PEBP4: variants seen among roughly 807,000 people sequenced by gnomAD.
PEBP4 encodes phosphatidylethanolamine binding protein 4, also known as phosphatidylethanolamine-binding protein 4.
PEBP4 carries 22 observed loss-of-function variants against 23.9 expected under a neutral mutation model. The observed-to-expected ratio is 0.92, with a 90% confidence interval of 0.66 to 1.31. PEBP4 has a LOEUF of 1.31. Ranked by LOEUF, PEBP4 falls within the 40% of genes most tolerant of loss-of-function variation. The probability of loss-of-function intolerance (pLI) is 0.00; values close to 1 mark genes in which losing one functional copy is unlikely to be tolerated. For synonymous variants in PEBP4, 112 were observed against 99.3 expected (o/e 1.13, Z -0.76); for missense variants, 324 against 281.7 (o/e 1.15, Z -1.07).
chr8:22,728,563 C>CTTTCTTTCTTTCTTTCTTTCTTTCTTT, intron 4 of PEBP4, among the ~76,000 whole-genome samples: 1 of 69,302 alleles, frequency 1.4e-5, no homozygotes, highest in African/African-American at 5.2e-5. Context: ...TTTCTTTCTT[C>CTTTCTTTCTTTCTTTCTTTCTTTCTTT]CTTCCTTCCT....
At chr8:22,907,227 G>A (rs1159545986) in intron 3 of PEBP4, among the ~76,000 whole-genome samples, 5 of 152,244 alleles carry the variant, frequency 3.3e-5, no homozygotes, top group Non-Finnish European at 7.3e-5. Flanking sequence ...GGCAGGCCAA[G>A]GCGAGCAGAT....
At chr8:22,738,421 G>C (rs1253313682) in intron 4 of PEBP4, among the ~76,000 whole-genome samples, 1 of 152,170 alleles carries the variant, frequency 6.6e-6, no homozygotes, top group African/African-American at 2.4e-5. Context: ...GATGCCTCTG[G>C]CTCTGCCATC....
At chr8:22,818,862 C>T (rs368070590) in intron 3 of PEBP4, among the ~76,000 whole-genome samples, 25 of 151,938 alleles carry the variant, frequency 1.6e-4, no homozygotes, top group South Asian at 2.1e-4. Context: ...ATAGATTCAA[C>T]GGCACGGCAG....
At chr8:22,851,700 T>C (rs1204408392) in intron 3 of PEBP4, among the ~76,000 whole-genome samples, 3 of 152,078 alleles carry the variant, frequency 2.0e-5, no homozygotes, top group African/African-American at 4.8e-5. Flanking sequence ...TTACCCATAG[T>C]TGCTGGGAAA....
chr8:22,823,934 A>G (rs1047851840), intron 3 of PEBP4, among the ~76,000 whole-genome samples: 2 of 152,208 alleles, frequency 1.3e-5, no homozygotes, highest in Non-Finnish European at 2.9e-5. Flanking sequence ...AATAAGATCC[A>G]ATCTTTGCCC....
intron 3 of PEBP4, among the ~76,000 whole-genome samples, chr8:22,912,857 A>G (rs1420607405): frequency 6.6e-6 from 1 of 152,204 alleles, no homozygotes; most frequent in Non-Finnish European, 1.5e-5. Flanking sequence ...AGCCAGGGAC[A>G]AAGGATAAAA....
At chr8:22,915,445 T>G (rs17088776) in intron 3 of PEBP4, among the ~76,000 whole-genome samples, 7,428 of 143,366 alleles carry the variant, frequency 0.052, 212 homozygotes, top group Middle Eastern at 0.062. Flanking sequence ...GGCTCCCATC[T>G]GTCCCTTGCT....
intron 6 of PEBP4, among the ~76,000 whole-genome samples, chr8:22,718,564 C>G (rs1360808537): frequency 6.6e-6 from 1 of 152,204 alleles, no homozygotes; most frequent in South Asian, 2.1e-4. Context: ...CTGAGTGTTG[C>G]CCGGGATGGC....
chr8:22,813,269 A>G (rs183442317), intron 4 of PEBP4, among the ~76,000 whole-genome samples: 2 of 152,328 alleles, frequency 1.3e-5, no homozygotes. Flanking sequence ...GGAACCATGA[A>G]CTTGCCAATT....
intron 3 of PEBP4, among the ~76,000 whole-genome samples, chr8:22,873,503 G>A (rs1366067339): frequency 6.6e-6 from 1 of 152,084 alleles, no homozygotes; most frequent in African/African-American, 2.4e-5. Flanking sequence ...TAGTGGCACA[G>A]GCTTGTAGTC....
intron 3 of PEBP4, among the ~76,000 whole-genome samples, chr8:22,826,567 C>T (rs1476580286): frequency 6.6e-5 from 10 of 152,064 alleles, no homozygotes; most frequent in Admixed American, 5.9e-4. Context: ...TGGAAAACTT[C>T]GTAACTGTAA....
intron 3 of PEBP4, among the ~76,000 whole-genome samples, chr8:22,890,012 C>G (rs1263063391): frequency 6.6e-6 from 1 of 152,194 alleles, no homozygotes; most frequent in East Asian, 1.9e-4. Context: ...TGAGCACCAC[C>G]AGATGTTACC....
At position 22,917,472 on chromosome 8, in the gene PEBP4, C is replaced by T. The variant is rs549491110; in HGVS notation, c.258+2712G>A. Among the ~76,000 whole-genome samples the T allele has an allele frequency of 5.3e-5, 8 of 152,306 alleles. No individual in the cohort carries two copies. In the South Asian group the frequency reaches 1.5e-3, roughly 28 times the overall value. On this transcript the variant is annotated intron_variant, in intron 3 of 6. Coordinates refer to ENST00000256404, the MANE Select transcript of PEBP4 (RefSeq NM_144962.3). ...AAGCTTCCCTTCGGCCAGCCCACCC[C>T]TGCCTGTGCCAGCGCCCCCTGGTGT...
At chr8:22,783,982 T>TGG (rs1805978462) in intron 4 of PEBP4, among the ~76,000 whole-genome samples, 2 of 152,178 alleles carry the variant, frequency 1.3e-5, no homozygotes, top group Non-Finnish European at 2.9e-5. Context: ...AAGAGATCAC[T>TGG]GGCTTTGGAG....
At chr8:22,768,510 G>T (rs1805653198) in intron 4 of PEBP4, among the ~76,000 whole-genome samples, 1 of 152,210 alleles carries the variant, frequency 6.6e-6, no homozygotes. Flanking sequence ...GCCCCACGGT[G>T]CTGAGGTGAC....
At chr8:22,829,640 GC>G (rs1321296534) in intron 3 of PEBP4, among the ~76,000 whole-genome samples, 2 of 152,104 alleles carry the variant, frequency 1.3e-5, no homozygotes, top group Non-Finnish European at 2.9e-5. Context: ...CCTCTGTCAT[GC>G]TTTGGATCCT....
intron 4 of PEBP4, among the ~76,000 whole-genome samples, chr8:22,784,989 G>A (rs972693650): frequency 1.3e-5 from 2 of 152,176 alleles, no homozygotes; most frequent in Non-Finnish European, 2.9e-5. Flanking sequence ...GAACAGAAAC[G>A]GGCCACGTGT....
At chr8:22,914,040 T>G (rs1027724999) in intron 3 of PEBP4, among the ~76,000 whole-genome samples, 1 of 146,526 alleles carries the variant, frequency 6.8e-6, no homozygotes, top group African/African-American at 2.6e-5. Context: ...CAGGCTGGAG[T>G]ATAGTGGCGC....
chr8:22,754,549 G>C (rs778637935), intron 4 of PEBP4, among the ~76,000 whole-genome samples: 6 of 152,222 alleles, frequency 3.9e-5, no homozygotes, highest in Non-Finnish European at 7.3e-5. Context: ...AGCAGGCCTG[G>C]AAGTGAGAGA....
Sources: allele counts gnomAD v4.1 joint callset (sites outside exome capture counted in the v4.1 genomes callset), GRCh38; gene constraint gnomAD v4.1.1; transcripts MANE v1.5; gene names NCBI Gene and HGNC (gene_info 2026-07-23, HGNC 2026-07-21).